The following NELL1 variants were observed in gnomAD, a reference collection of about 807,000 sequenced individuals.
NELL1 encodes the protein protein kinase C-binding protein NELL1.
Under a neutral mutation model 107.4 loss-of-function variants are expected in NELL1, and 76 were observed. That is an observed-to-expected ratio of 0.71 (90% confidence interval 0.59 to 0.86). NELL1 has a LOEUF of 0.86. Among genes scored for constraint, NELL1 ranks in the 40% least tolerant of loss-of-function variants. The pLI is 0.00. For synonymous variants in NELL1, 353 were observed against 341.2 expected (o/e 1.03, Z -0.38); for missense variants, 1,024 against 1,005.5 (o/e 1.02, Z -0.25).
chr11:20,895,741 C>T (rs944688419), intron 5 of NELL1, among the ~76,000 whole-genome samples: 5 of 151,812 alleles, frequency 3.3e-5, no homozygotes, highest in African/African-American at 4.8e-5. Flanking sequence ...CTCCTGACCT[C>T]GTGATCCACC....
intron 14 of NELL1, among the ~76,000 whole-genome samples, chr11:21,268,149 C>G (rs1348949473): frequency 1.3e-5 from 2 of 152,106 alleles, no homozygotes; most frequent in Admixed American, 1.3e-4. Flanking sequence ...TATGTGGGAA[C>G]CAGGACCAGG....
At chr11:20,843,754 CTTGA>C (rs1212006914) in intron 3 of NELL1, among the ~76,000 whole-genome samples, 5 of 150,614 alleles carry the variant, frequency 3.3e-5, no homozygotes, top group Non-Finnish European at 5.9e-5. Context: ...ATAAAAATAA[CTTGA>C]TTGATCTTTA....
At chr11:21,077,049 T>C (rs1246279381) in intron 12 of NELL1, among the ~76,000 whole-genome samples, 2 of 152,190 alleles carry the variant, frequency 1.3e-5, no homozygotes, top group East Asian at 3.9e-4. Context: ...CTAAGACACA[T>C]GTCAACCCAC....
At chr11:20,862,242 A>C (rs1848991293) in intron 4 of NELL1, among the ~76,000 whole-genome samples, 1 of 152,226 alleles carries the variant, frequency 6.6e-6, no homozygotes, top group Admixed American at 6.5e-5. Context: ...AGTGAACTGA[A>C]GGACAAAATA....
rs111894254 is a variant in NELL1 at position 21,401,202 on chromosome 11, GA to G, written c.1645+30255del. 3.9e-3 allele frequency among the ~76,000 whole-genome samples: 592 copies of G among 151,684 alleles called. 3 individuals are homozygous for G. The highest frequency in any genetic ancestry group is 0.014 in the African/African-American group (566 of 41,448). On this transcript the variant is annotated intron_variant, in intron 15 of 19. Transcript: ENST00000357134. ...AAGTGTCTTTTCTATGAAAACATAA[GA>G]TTTTTTTTATTGAATTATGGTATAA...
chr11:21,540,374 T>C (rs1035646062), intron 16 of NELL1, among the ~76,000 whole-genome samples: 4 of 152,130 alleles, frequency 2.6e-5, no homozygotes, highest in Non-Finnish European at 4.4e-5. Context: ...CTGGTATTGA[T>C]CATTTTCCCT....
chr11:21,094,297 G>A (rs1565055818), intron 12 of NELL1, among the ~76,000 whole-genome samples: 1 of 152,230 alleles, frequency 6.6e-6, no homozygotes, highest in Non-Finnish European at 1.5e-5. Flanking sequence ...GTTTTGGGCA[G>A]CTCTGACCCT....
chr11:20,985,207 A>T (rs997776297), intron 12 of NELL1, among the ~76,000 whole-genome samples: 1 of 152,168 alleles, frequency 6.6e-6, no homozygotes, highest in African/African-American at 2.4e-5. Context: ...ATTTACAAGA[A>T]TATGCAAGTA....
At chr11:20,914,351 GA>G (rs1218501338) in intron 5 of NELL1, among the ~76,000 whole-genome samples, 36 of 152,162 alleles carry the variant, frequency 2.4e-4, no homozygotes, top group African/African-American at 8.4e-4. Flanking sequence ...GGAAGGGTAG[GA>G]CAACCAGAAG....
chr11:21,252,536 T>C (rs1237629304), intron 14 of NELL1, among the ~76,000 whole-genome samples: 3 of 152,158 alleles, frequency 2.0e-5, no homozygotes, highest in East Asian at 1.9e-4. Context: ...CATGTTATAC[T>C]TTTTAGGATA....
intron 14 of NELL1, among the ~76,000 whole-genome samples, chr11:21,266,677 C>T (rs1345785905): frequency 6.6e-6 from 1 of 151,990 alleles, no homozygotes; most frequent in African/African-American, 2.4e-5. Flanking sequence ...GTTTTGTCAT[C>T]ATCATTTTTC....
intron 2 of NELL1, among the ~76,000 whole-genome samples, chr11:20,705,355 A>G (rs1289864935): frequency 1.3e-5 from 2 of 152,130 alleles, no homozygotes; most frequent in African/African-American, 2.4e-5. Context: ...CTCAGAAATA[A>G]TGCCGCATAT....
At chr11:21,244,107 A>G (rs1858431452) in intron 14 of NELL1, among the ~76,000 whole-genome samples, 1 of 152,170 alleles carries the variant, frequency 6.6e-6, no homozygotes, top group Non-Finnish European at 1.5e-5. Flanking sequence ...GAACTTCACC[A>G]TAAAGTCAGA....
intron 15 of NELL1, among the ~76,000 whole-genome samples, chr11:21,465,432 T>G (rs1371333960): frequency 1.3e-5 from 2 of 152,072 alleles, no homozygotes; most frequent in African/African-American, 4.8e-5. Flanking sequence ...ACTGGGAGCT[T>G]GGCCCCTAAT....
chr11:20,778,584 C>T (rs917220651), intron 2 of NELL1, among the ~76,000 whole-genome samples: 4 of 149,242 alleles, frequency 2.7e-5, no homozygotes, highest in Admixed American at 6.7e-5. Context: ...TAGGTAGAGC[C>T]GTCTTATCCT....
chr11:21,078,560 A>G (rs926747932), intron 12 of NELL1, among the ~76,000 whole-genome samples: 1 of 152,184 alleles, frequency 6.6e-6, no homozygotes, highest in African/African-American at 2.4e-5. Flanking sequence ...AATGCATATT[A>G]AATTTTATAT....
chr11:21,153,974 C>T (rs1349854275), intron 13 of NELL1, among the ~76,000 whole-genome samples: 2 of 152,100 alleles, frequency 1.3e-5, no homozygotes, highest in African/African-American at 2.4e-5. Flanking sequence ...AATTAAGAAC[C>T]ATACACTGGG....
intron 12 of NELL1, among the ~76,000 whole-genome samples, chr11:21,018,740 G>T (rs910713455): frequency 9.2e-5 from 14 of 152,196 alleles, no homozygotes; most frequent in Non-Finnish European, 1.8e-4. Flanking sequence ...TATATTTTCA[G>T]TGATTGTTCA....
intron 14 of NELL1, among the ~76,000 whole-genome samples, chr11:21,356,337 C>CT (rs1174549987): frequency 6.6e-6 from 1 of 152,080 alleles, no homozygotes; most frequent in Non-Finnish European, 1.5e-5. Flanking sequence ...GACTGTCTGC[C>CT]TTTTTTCACC....
Sources: allele counts gnomAD v4.1 joint callset (sites outside exome capture counted in the v4.1 genomes callset), GRCh38; gene constraint gnomAD v4.1.1; transcripts MANE v1.5; gene names NCBI Gene and HGNC (gene_info 2026-07-23, HGNC 2026-07-21).